The following TMEM233 variants were observed in gnomAD, a reference collection of about 807,000 sequenced individuals.
TMEM233 encodes transmembrane protein 233.
TMEM233 carries 6 observed loss-of-function variants against 11.2 expected under a neutral mutation model. The ratio of observed to expected loss-of-function variants is 0.54; its 90% confidence interval spans 0.29 to 1.06. TMEM233 has a LOEUF of 1.06. Among genes scored for constraint, TMEM233 ranks in the 50% least tolerant of loss-of-function variants. The probability of loss-of-function intolerance (pLI) is 0.08; values close to 1 mark genes in which losing one functional copy is unlikely to be tolerated. For missense variants in TMEM233, 127 were observed against 144.7 expected (o/e 0.88, Z 0.63); for synonymous variants, 59 against 55.8 (o/e 1.06, Z -0.26).
At chr12:119,600,808 G>A (rs1954148323) in intron 1 of TMEM233, among the ~76,000 whole-genome samples, 1 of 152,152 alleles carries the variant, frequency 6.6e-6, no homozygotes, top group African/African-American at 2.4e-5. Context: ...GGGAGTTACT[G>A]TTTAATGGGT....
At chr12:119,631,466 A>G in intron 2 of TMEM233, 1 of 984,184 alleles carries the variant, frequency 1.0e-6, no homozygotes, top group Middle Eastern at 5.2e-4. Context: ...GTCACAAAAG[A>G]AAATTAAATG....
intron 1 of TMEM233, among the ~76,000 whole-genome samples, chr12:119,619,242 A>C (rs1954596357): frequency 6.6e-6 from 1 of 152,222 alleles, no homozygotes; most frequent in Admixed American, 6.5e-5. Flanking sequence ...TGAGTCAGTT[A>C]AACCTCTTTC....
downstream of TMEM233, among the ~76,000 whole-genome samples, chr12:119,643,512 T>G (rs1284330076): frequency 6.6e-6 from 1 of 152,224 alleles, no homozygotes; most frequent in Non-Finnish European, 1.5e-5. Flanking sequence ...CTCACGCCTG[T>G]AATCCCAGCA....
the TMEM233 span, among the ~76,000 whole-genome samples, chr12:119,649,564 A>G: frequency 6.6e-6 from 1 of 152,216 alleles, no homozygotes; most frequent in Non-Finnish European, 1.5e-5. Flanking sequence ...AAGATGTTCT[A>G]GAGTAATAAA....
intron 1 of TMEM233, among the ~76,000 whole-genome samples, chr12:119,602,918 A>G (rs574263396): frequency 5.9e-5 from 9 of 152,192 alleles, no homozygotes; most frequent in Middle Eastern, 3.4e-3. Flanking sequence ...TTATTATATT[A>G]CCCTGTCAAA....
At chr12:119,601,099 G>A (rs1954154908) in intron 1 of TMEM233, among the ~76,000 whole-genome samples, 1 of 152,042 alleles carries the variant, frequency 6.6e-6, no homozygotes, top group Non-Finnish European at 1.5e-5. Context: ...AGGACAAAGA[G>A]AATTAAAGAG....
rs1955077019 is a variant in TMEM233 at position 119,641,093 on chromosome 12, T to G, written c.*388T>G. 4.9e-6 allele frequency: 1 copy of G among 203,638 alleles called. No individual in the cohort carries two copies. The highest frequency in any genetic ancestry group is 9.8e-6 in the Non-Finnish European group (1 of 101,640). 12.6% of individuals were successfully genotyped at this position (203,638 alleles called of 1,614,324 possible). ...GTCTCCATATAGGGGGAGATGGAGG[T>G]TTCTAGGAAGAGCAGCAGGTGCTGG... On this transcript the variant is annotated 3_prime_UTR_variant, in exon 3 of 3. Transcript: ENST00000426426.
intron 1 of TMEM233, among the ~76,000 whole-genome samples, chr12:119,629,532 A>G (rs1412620842): frequency 6.6e-6 from 1 of 152,212 alleles, no homozygotes; most frequent in Non-Finnish European, 1.5e-5. Flanking sequence ...GGAAATACAG[A>G]GGGGGCAGTT....
At chr12:119,638,723 G>A (rs748453849) in intron 2 of TMEM233, among the ~76,000 whole-genome samples, 12 of 151,998 alleles carry the variant, frequency 7.9e-5, no homozygotes, top group Non-Finnish European at 1.6e-4. Flanking sequence ...CATATGATGG[G>A]ACGCCACACT....
intron 1 of TMEM233, among the ~76,000 whole-genome samples, chr12:119,621,625 C>T (rs1190434055): frequency 6.6e-6 from 1 of 152,214 alleles, no homozygotes; most frequent in East Asian, 1.9e-4. Flanking sequence ...TCAGTTTTCC[C>T]ATCTGTAAAA....
intron 1 of TMEM233, among the ~76,000 whole-genome samples, chr12:119,619,486 C>T (rs1032308025): frequency 1.3e-5 from 2 of 151,910 alleles, no homozygotes; most frequent in Non-Finnish European, 1.5e-5. Context: ...ACAAAAAATA[C>T]AAAAATTACC....
intron 1 of TMEM233, among the ~76,000 whole-genome samples, chr12:119,625,463 G>A (rs1954733839): frequency 1.3e-5 from 2 of 150,772 alleles, no homozygotes; most frequent in Non-Finnish European, 2.9e-5. Context: ...TCAAACTCGT[G>A]GGCTCAGGTG....
chr12:119,614,713 A>G (rs531951764), intron 1 of TMEM233, among the ~76,000 whole-genome samples: 66 of 152,222 alleles, frequency 4.3e-4, no homozygotes, highest in African/African-American at 1.6e-3. Flanking sequence ...ACACTGTTTG[A>G]CTGTTGGTGT....
rs1028034222 is a variant in TMEM233, at chr12:119,595,910, G to A, written c.186+1876G>A. On this transcript the variant is annotated intron_variant, in intron 1 of 2. Coordinates refer to ENST00000426426, the MANE Select transcript of TMEM233 (RefSeq NM_001136534.3). This position sits in a 1 kb window ranked among gnomAD's most constrained non-coding sequence, Gnocchi z 4.3. Reference sequence around the variant, plus strand: ...TCATTAGAATATAAGCTCCATAAGGGCAGGAATATTTGTTGGTTCCTGTAT... The same window carrying A: ...TCATTAGAATATAAGCTCCATAAGGACAGGAATATTTGTTGGTTCCTGTAT... 2.6e-5 allele frequency among the ~76,000 whole-genome samples: 4 copies of A among 152,182 alleles called. No individual in the cohort carries two copies. The highest frequency in any genetic ancestry group is 2.0e-4 in the Admixed American group (3 of 15,282).
intron 2 of TMEM233, among the ~76,000 whole-genome samples, chr12:119,636,951 G>A (rs1954978006): frequency 6.6e-6 from 1 of 152,114 alleles, no homozygotes; most frequent in African/African-American, 2.4e-5. Flanking sequence ...TTCCAGTGTT[G>A]GAACAGGTGA....
At chr12:119,610,489 T>G (rs1954371364) in intron 1 of TMEM233, among the ~76,000 whole-genome samples, 1 of 152,126 alleles carries the variant, frequency 6.6e-6, no homozygotes, top group Admixed American at 6.5e-5. Context: ...CTCATGCAAA[T>G]CTCATCTTGA....
At chr12:119,630,777 T>C (rs534961220) in intron 2 of TMEM233, among the ~76,000 whole-genome samples, 13 of 152,352 alleles carry the variant, frequency 8.5e-5, no homozygotes, top group African/African-American at 3.1e-4. Flanking sequence ...GTAGGAAATG[T>C]GGGAGAATAA....
chr12:119,612,433 G>A (rs903457765), intron 1 of TMEM233, among the ~76,000 whole-genome samples: 22 of 152,016 alleles, frequency 1.4e-4, no homozygotes, highest in African/African-American at 4.1e-4. Flanking sequence ...TGGGCAACAC[G>A]GCAAAACCCC....
chr12:119,649,854 TAAAAAAAA>T, the TMEM233 span, among the ~76,000 whole-genome samples: 178 of 91,316 alleles, frequency 1.9e-3, no homozygotes, highest in Non-Finnish European at 2.7e-3. Flanking sequence ...GTTTAACTAT[TAAAAAAAA>T]AAAAAAAAAA....
Sources: allele counts gnomAD v4.1 joint callset (sites outside exome capture counted in the v4.1 genomes callset), GRCh38; gene constraint gnomAD v4.1.1; non-coding constraint Gnocchi (gnomAD v3.1); transcripts MANE v1.5; gene names NCBI Gene and HGNC (gene_info 2026-07-23, HGNC 2026-07-21).